ZNF563: variants seen among roughly 807,000 people sequenced by gnomAD.
ZNF563 encodes the protein zinc finger protein 563.
Under a neutral mutation model 48.5 loss-of-function variants are expected in ZNF563, and 39 were observed. The ratio of observed to expected loss-of-function variants is 0.80; its 90% CI spans 0.62 to 1.05. ZNF563 has a LOEUF of 1.05. Among genes scored for constraint, ZNF563 ranks in the 50% least tolerant of loss-of-function variants. The probability of loss-of-function intolerance (pLI) is 0.00; values close to 1 mark genes in which losing one functional copy is unlikely to be tolerated. For synonymous variants in ZNF563, 168 were observed against 187.9 expected (o/e 0.89, Z 0.87); for missense variants, 538 against 597.0 (o/e 0.90, Z 1.03).
chr19:12,345,386 A>G, the ZNF563 span, among the ~76,000 whole-genome samples: 1 of 151,934 alleles, frequency 6.6e-6, no homozygotes, highest in Non-Finnish European at 1.5e-5. Context: ...AGACAAACAG[A>G]TAGGCCAATG....
intron 1 of ZNF563, among the ~76,000 whole-genome samples, chr19:12,324,644 G>A (rs1008456677): frequency 4.6e-5 from 7 of 150,612 alleles, no homozygotes; most frequent in Non-Finnish European, 5.9e-5. Context: ...TTGAACCCAG[G>A]AGGCAGAGGT....
chr19:12,320,008 C>T (rs979857907), intron 3 of ZNF563, among the ~76,000 whole-genome samples, 175 bp from the exon 4 acceptor site: 2 of 151,942 alleles, frequency 1.3e-5, no homozygotes, highest in Non-Finnish European at 2.9e-5. Context: ...TCTCTTCCTC[C>T]CGGGTTCAAG....
chr19:12,333,633 T>A lies in ZNF563; in HGVS notation c.-151A>T. 1 of 1,223,666 alleles carries A rather than the reference T, an allele frequency of 8.2e-7. No individual in the cohort carries two copies. The highest frequency in any genetic ancestry group is 1.1e-6 in the Non-Finnish European group (1 of 885,314). 75.8% of individuals were successfully genotyped at this position (1,223,666 alleles called of 1,614,324 possible). Reference sequence around the variant, plus strand: ...TCCAGGGCGTCTCTCAGCGAGCGACTGAGTCTAGAGCTGAGCGCAGGGGCG... The same window carrying A: ...TCCAGGGCGTCTCTCAGCGAGCGACAGAGTCTAGAGCTGAGCGCAGGGGCG... On this transcript the variant is annotated 5_prime_UTR_variant, in exon 1 of 4. Coordinates refer to ENST00000293725, the MANE Select transcript of ZNF563 (RefSeq NM_145276.3).
At chr19:12,337,142 C>T (rs966655487), upstream of ZNF563, among the ~76,000 whole-genome samples, 3 of 152,090 alleles carry the variant, frequency 2.0e-5, no homozygotes, top group African/African-American at 7.2e-5. Context: ...CTGAGAAATC[C>T]GCACCAGAGA....
chr19:12,319,228 C>T lies in ZNF563; in HGVS notation c.797G>A (p.Ser266Asn). Residue 266 changes from serine (S) to asparagine (N), a missense_variant, in exon 4 of 4, where the codon AGT becomes AAT. By Grantham distance (46) the Ser-to-Asn change is conservative (BLOSUM62 1). Coordinates refer to ENST00000293725, the MANE Select transcript of ZNF563 (RefSeq NM_145276.3). ...AGTTCTTTCATGTCTTATATAGGAA[C>T]TGGAATCAGGCAAGGCTTTAGAACA... ...KQCSKALPDS[S>N]SYIRHERTHT... 4 of 1,614,112 alleles carry T rather than the reference C, an allele frequency of 2.5e-6. No individual in the cohort carries two copies. Among genetic ancestry groups the T allele is most frequent in the South Asian group, 1.1e-5 (1 of 91,080 alleles).
At chr19:12,324,707 A>G in intron 1 of ZNF563, among the ~76,000 whole-genome samples, 1 of 148,734 alleles carries the variant, frequency 6.7e-6, no homozygotes, top group African/African-American at 2.5e-5. Flanking sequence ...ACAAGAGCGA[A>G]ACTCCGTCTC....
In ZNF563 at chr19:12,320,234, A is replaced by G. The variant is rs374143315; in HGVS notation, c.192-401T>C. Among the ~76,000 whole-genome samples, 16 of 151,872 alleles carry G rather than the reference A, an allele frequency of 1.1e-4. No homozygotes were observed. In the East Asian group the frequency reaches 1.9e-3, roughly 18 times the overall value. On this transcript the variant is annotated intron_variant, in intron 3 of 3. Coordinates refer to ENST00000293725, the MANE Select transcript of ZNF563 (RefSeq NM_145276.3). Reference sequence around the variant, plus strand: ...GCCTGGCCAGATATACCTTTTTATCATTACCATGCAAAGTGTAGGCTTCAT... The same window carrying G: ...GCCTGGCCAGATATACCTTTTTATCGTTACCATGCAAAGTGTAGGCTTCAT...
At chr19:12,342,771 TC>T in the ZNF563 span, among the ~76,000 whole-genome samples, 1 of 138,512 alleles carries the variant, frequency 7.2e-6, no homozygotes, top group Non-Finnish European at 1.5e-5. Flanking sequence ...AGATCATGTC[TC>T]AAAAATTAAA....
chr19:12,323,319 A>G (rs565676347), intron 1 of ZNF563, among the ~76,000 whole-genome samples: 5 of 152,360 alleles, frequency 3.3e-5, no homozygotes, highest in African/African-American at 1.2e-4. Context: ...CCTCCAAAAC[A>G]CATGTTGAAA....
intron 1 of ZNF563, among the ~76,000 whole-genome samples, chr19:12,331,644 G>T (rs977258185): frequency 6.6e-6 from 1 of 152,142 alleles, no homozygotes; most frequent in Non-Finnish European, 1.5e-5. Context: ...CCCACCACAG[G>T]GTATCCAGCT....
At chr19:12,329,682 T>C (rs972865392) in intron 1 of ZNF563, among the ~76,000 whole-genome samples, 13 of 152,050 alleles carry the variant, frequency 8.5e-5, no homozygotes, top group African/African-American at 3.1e-4. Flanking sequence ...AATGGACCAA[T>C]TTCATAGAAG....
chr19:12,329,019 C>T (rs1968860830), intron 1 of ZNF563, among the ~76,000 whole-genome samples: 1 of 152,026 alleles, frequency 6.6e-6, no homozygotes, highest in Non-Finnish European at 1.5e-5. Flanking sequence ...TTGAGGGAAA[C>T]TTAAAGAATC....
At chr19:12,327,028 T>C (rs1295931996) in intron 1 of ZNF563, among the ~76,000 whole-genome samples, 1 of 152,174 alleles carries the variant, frequency 6.6e-6, no homozygotes, top group East Asian at 1.9e-4. Flanking sequence ...AGTATAGTGT[T>C]TTTTGAAACT....
the ZNF563 span, chr19:12,346,865 CAT>C: frequency 6.6e-6 from 1 of 152,196 alleles, no homozygotes; most frequent in Non-Finnish European, 1.5e-5. Context: ...CATACTTCCA[CAT>C]ATCTCTCTCT....
upstream of ZNF563, among the ~76,000 whole-genome samples, chr19:12,337,408 T>C (rs1176088047): frequency 2.6e-5 from 4 of 152,174 alleles, no homozygotes; most frequent in Non-Finnish European, 5.9e-5. Context: ...TTCACCACGT[T>C]GGCCAGGCTG....
At chr19:12,323,394 C>G (rs931876213) in intron 1 of ZNF563, among the ~76,000 whole-genome samples, 7 of 152,268 alleles carry the variant, frequency 4.6e-5, no homozygotes, top group Middle Eastern at 3.4e-3. Context: ...CTTGAAGGTT[C>G]AGAGCTCATG....
intron 1 of ZNF563, among the ~76,000 whole-genome samples, chr19:12,332,347 C>CTTT (rs567439951): frequency 7.4e-5 from 10 of 135,142 alleles, no homozygotes; most frequent in African/African-American, 1.9e-4. Context: ...TTTCTTTTTT[C>CTTT]TTTTTTTTTT....
the ZNF563 span, among the ~76,000 whole-genome samples, chr19:12,339,826 A>C: frequency 6.6e-6 from 1 of 152,230 alleles, no homozygotes; most frequent in Non-Finnish European, 1.5e-5. Flanking sequence ...CAAGAAGCTC[A>C]ACGAACTCTA....
intron 2 of ZNF563, among the ~76,000 whole-genome samples, chr19:12,322,027 T>C (rs1968640407): frequency 1.3e-5 from 2 of 152,142 alleles, no homozygotes; most frequent in Admixed American, 6.6e-5. Context: ...TGGATTAATA[T>C]GGATTAATCA....
Sources: allele counts gnomAD v4.1 joint callset (sites outside exome capture counted in the v4.1 genomes callset), GRCh38; gene constraint gnomAD v4.1.1; transcripts MANE v1.5; gene names NCBI Gene and HGNC (gene_info 2026-07-23, HGNC 2026-07-21).